Variants in EPHA4 observed in about 807,000 individuals in gnomAD.
The protein encoded by EPHA4 is EPH receptor A4.
In EPHA4, 19 loss-of-function variants were observed where a neutral mutation model predicts 108.3. The observed-to-expected ratio is 0.18, with a 90% CI of 0.12 to 0.26. EPHA4 has a LOEUF of 0.26. Ranked by LOEUF, EPHA4 falls within the 10% of genes least tolerant of loss-of-function variation. The pLI, the probability that EPHA4 is intolerant of heterozygous loss-of-function variation, is 1.00. For missense variants in EPHA4, 917 were observed against 1,254.0 expected (o/e 0.73, Z 4.06); for synonymous variants, 449 against 455.5 (o/e 0.99, Z 0.18).
At chr2:221,566,872 A>AAGAAGAAGAAGAAGGAGAAGG (rs1553595907) in intron 2 of EPHA4, among the ~76,000 whole-genome samples, 3 of 41,604 alleles carry the variant, frequency 7.2e-5, no homozygotes, top group Non-Finnish European at 1.4e-4. Context: ...GAAGAAGAAG[A>AAGAAGAAGAAGAAGGAGAAGG]AGAAGGAGAA....
intron 3 of EPHA4, chr2:221,502,499 C>A (rs1049424335): frequency 4.2e-6 from 2 of 470,732 alleles, no homozygotes; most frequent in African/African-American, 2.0e-5. Flanking sequence ...CAAAACGGAA[C>A]AACCATGCAG....
At chr2:221,572,068 C>G (rs755604296) in intron 1 of EPHA4, 90 bp downstream of exon 1, 373 of 1,093,306 alleles carry the variant, frequency 3.4e-4, no homozygotes, top group Middle Eastern at 4.8e-4. Context: ...TGGGCTCCCC[C>G]CGCACCACCT....
chr2:221,463,154 C>A (rs1691202535), intron 5 of EPHA4, among the ~76,000 whole-genome samples: 1 of 152,098 alleles, frequency 6.6e-6, no homozygotes, highest in African/African-American at 2.4e-5. Flanking sequence ...TGTGGGCGAG[C>A]AGCATTATTA....
chr2:221,535,043 A>T (rs187156101), intron 3 of EPHA4, among the ~76,000 whole-genome samples: 1 of 152,306 alleles, frequency 6.6e-6, no homozygotes, highest in African/African-American at 2.4e-5. Context: ...AGACCTTTTC[A>T]ATCTTATCCA....
intron 8 of EPHA4, among the ~76,000 whole-genome samples, chr2:221,454,193 ATAAAT>A (rs1419611776): frequency 6.6e-6 from 1 of 152,036 alleles, no homozygotes; most frequent in Non-Finnish European, 1.5e-5. Context: ...AAAAAAATTA[ATAAAT>A]TAAATAAATA....
intron 8 of EPHA4, among the ~76,000 whole-genome samples, chr2:221,447,821 T>TTTATTTATTTATTTATTTA: frequency 6.8e-6 from 1 of 147,666 alleles, no homozygotes; most frequent in African/African-American, 2.5e-5. Context: ...AAGGGTCTAT[T>TTTATTTATTTATTTATTTA]TTTATTTATT....
At chr2:221,491,258 A>C (rs1692134232) in intron 4 of EPHA4, among the ~76,000 whole-genome samples, 1 of 152,228 alleles carries the variant, frequency 6.6e-6, no homozygotes, top group Non-Finnish European at 1.5e-5. Context: ...GACCAAGAAA[A>C]GTAGAATTGA....
chr2:221,540,108 T>C (rs531791286), intron 3 of EPHA4, among the ~76,000 whole-genome samples: 1 of 152,208 alleles, frequency 6.6e-6, no homozygotes, highest in South Asian at 2.1e-4. Context: ...TTACTAGAGA[T>C]GGAATTTCAC....
At chr2:221,520,724 A>C (rs1287675932) in intron 3 of EPHA4, among the ~76,000 whole-genome samples, 1 of 152,130 alleles carries the variant, frequency 6.6e-6, no homozygotes, top group East Asian at 1.9e-4. Context: ...TATTTTTGAA[A>C]ATTCATGTAA....
At chr2:221,567,325 G>T (rs529094748) in intron 2 of EPHA4, among the ~76,000 whole-genome samples, 3 of 152,080 alleles carry the variant, frequency 2.0e-5, no homozygotes, top group African/African-American at 7.2e-5. Context: ...GGAAAGCCTC[G>T]CCTGAATCAG....
At chr2:221,466,251 G>A (rs1469643297) in intron 5 of EPHA4, among the ~76,000 whole-genome samples, 1 of 152,192 alleles carries the variant, frequency 6.6e-6, no homozygotes, top group African/African-American at 2.4e-5. Context: ...TTCTCAAAAT[G>A]GTTTGGTTGA....
At chr2:221,477,409 A>T (rs575519027) in intron 5 of EPHA4, among the ~76,000 whole-genome samples, 1 of 152,298 alleles carries the variant, frequency 6.6e-6, no homozygotes, top group Non-Finnish European at 1.5e-5. Context: ...CCTTAGCCCT[A>T]TGGACATTTT....
intron 3 of EPHA4, among the ~76,000 whole-genome samples, chr2:221,519,370 C>T (rs1292747191): frequency 6.6e-6 from 1 of 152,062 alleles, no homozygotes; most frequent in Non-Finnish European, 1.5e-5. Context: ...GCATTTGGAC[C>T]TTAAGTCGGA....
Position 221,477,049 on chromosome 2 carries a change from A to T in EPHA4, c.1318+5303T>A, listed in dbSNP as rs201837419. On this transcript the variant is annotated intron_variant, in intron 5 of 17. Transcript: ENST00000281821. ...ATGAGGTGTAATGCCACTTTATTTT[A>T]TTATTATTATTATTATTATTATTAT... 7.7e-3 allele frequency among the ~76,000 whole-genome samples: 264 copies of T among 34,288 alleles called. 1 individual carries two copies. Among genetic ancestry groups the T allele is most frequent in the African/African-American group, 0.02 (244 of 11,954 alleles). 22.5% of individuals were successfully genotyped at this position (34,288 alleles called of 152,430 possible).
At chr2:221,543,822 CG>C (rs2106192793) in intron 3 of EPHA4, among the ~76,000 whole-genome samples, 1 of 152,198 alleles carries the variant, frequency 6.6e-6, no homozygotes, top group Non-Finnish European at 1.5e-5. Context: ...GTCCTGGTCA[CG>C]GGGGTGGAAG....
At chr2:221,468,506 G>C (rs771572756) in intron 5 of EPHA4, among the ~76,000 whole-genome samples, 23 of 152,150 alleles carry the variant, frequency 1.5e-4, no homozygotes, top group Non-Finnish European at 2.8e-4. Flanking sequence ...TACTCAGACA[G>C]CTGCTAATCG....
chr2:221,432,818 A>ATTTT (rs34200694), intron 14 of EPHA4, among the ~76,000 whole-genome samples: 18 of 89,106 alleles, frequency 2.0e-4, no homozygotes, highest in African/African-American at 2.6e-4. Flanking sequence ...AAATCTTTGT[A>ATTTT]TTTTTTTTTT....
rs113807760 is a variant in EPHA4 at position 221,518,051 on chromosome 2, T to C, written c.824-16879A>G. 2.5e-4 allele frequency among the ~76,000 whole-genome samples: 38 copies of C among 152,354 alleles called. 1 individual carries two copies. Among genetic ancestry groups the C allele is most frequent in the African/African-American group, 9.1e-4 (38 of 41,590 alleles). On this transcript the variant is annotated intron_variant, in intron 3 of 17. Coordinates refer to ENST00000281821, the MANE Select transcript of EPHA4 (RefSeq NM_004438.5). The stretch of plus-strand genomic sequence containing the variant: ...AGCTGCTGGTGTGGGCAGCGCAGTG[T>C]TGTTTTACAACTGAGGTCTTTACTT...
intron 4 of EPHA4, among the ~76,000 whole-genome samples, chr2:221,492,703 T>A (rs1278789180): frequency 6.6e-6 from 1 of 152,252 alleles, no homozygotes; most frequent in Non-Finnish European, 1.5e-5. Context: ...GACGGCTGCA[T>A]CTGAATCGTC....
Sources: allele counts gnomAD v4.1 joint callset (sites outside exome capture counted in the v4.1 genomes callset), GRCh38; gene constraint gnomAD v4.1.1; transcripts MANE v1.5; gene names NCBI Gene and HGNC (gene_info 2026-07-23, HGNC 2026-07-21).